The following RSU1 variants were observed in gnomAD, a reference collection of about 807,000 sequenced individuals.
RSU1 encodes Ras suppressor protein 1.
In RSU1, 26 loss-of-function variants were observed where a neutral mutation model predicts 31.1. The observed-to-expected ratio is 0.84, with a 90% CI of 0.61 to 1.16. The LOEUF (loss-of-function observed/expected upper bound fraction) is 1.16, where lower values mean the gene tolerates loss of function less well. Ranked by LOEUF, RSU1 falls within the 50% of genes most tolerant of loss-of-function variation. The pLI is 0.00. For missense variants in RSU1, 320 were observed against 339.1 expected, an observed-to-expected ratio of 0.94 and a Z score of 0.44; for synonymous variants, 164 against 136.3, an observed-to-expected ratio of 1.20 and a Z score of -1.41.
intron 7 of RSU1, among the ~76,000 whole-genome samples, chr10:16,700,499 A>G (rs1835769982): frequency 6.6e-6 from 1 of 152,204 alleles, no homozygotes; most frequent in South Asian, 2.1e-4. Flanking sequence ...GAAGCTAACC[A>G]CAAATGACTC....
chr10:16,606,065 A>G lies in RSU1; in HGVS notation c.732-12569T>C, dbSNP rs545311433. On this transcript the variant is annotated intron_variant, in intron 8 of 8. Coordinates refer to ENST00000345264, the MANE Select transcript of RSU1 (RefSeq NM_012425.4). ...GCCAGCTTGCAGGGCTTCTAAGGCT[A>G]AAGGGAAGACCAGGCACTCAGTAAA... Among the ~76,000 whole-genome samples the G allele has an allele frequency of 3.3e-5, 5 of 152,250 alleles. No individual in the cohort carries two copies. In the South Asian group the frequency reaches 1.0e-3, roughly 32 times the overall value.
intron 8 of RSU1, among the ~76,000 whole-genome samples, chr10:16,678,179 C>T (rs1835267396): frequency 6.6e-6 from 1 of 152,296 alleles, no homozygotes; most frequent in Admixed American, 6.5e-5. Context: ...ACAAAACAAA[C>T]CCAACGTAGA....
intron 8 of RSU1, among the ~76,000 whole-genome samples, chr10:16,602,115 T>A (rs1833723292): frequency 6.6e-6 from 1 of 152,194 alleles, no homozygotes; most frequent in South Asian, 2.1e-4. Flanking sequence ...CCTCTGCAAC[T>A]GAGATCTCCT....
At chr10:16,730,305 G>C (rs144875391) in intron 7 of RSU1, among the ~76,000 whole-genome samples, 304 of 152,296 alleles carry the variant, frequency 2.0e-3, no homozygotes, top group African/African-American at 7.0e-3. Flanking sequence ...CATCAGATTT[G>C]GAGGGGACAA....
At chr10:16,619,137 T>C (rs1834028691) in intron 8 of RSU1, among the ~76,000 whole-genome samples, 1 of 152,174 alleles carries the variant, frequency 6.6e-6, no homozygotes, top group South Asian at 2.1e-4. Flanking sequence ...ACGTCTACTA[T>C]GAAGTGCTAA....
rs1468697467 is a variant in RSU1, at chr10:16,665,300, CAAG to C, written c.731+29720_731+29722del. On this transcript the variant is annotated intron_variant, in intron 8 of 8. Transcript: ENST00000345264. ...CATACACTCTTTCCTAACAACCCTC[CAAG>C]AAGAACACTATTATCATCTAATTTT... Among the ~76,000 whole-genome samples, 3 of 152,080 alleles carry C rather than the reference CAAG, an allele frequency of 2.0e-5. No homozygotes were observed. In the East Asian group the frequency reaches 5.8e-4, roughly 29 times the overall value.
chr10:16,709,530 C>T (rs1163626456), intron 7 of RSU1, among the ~76,000 whole-genome samples: 2 of 152,162 alleles, frequency 1.3e-5, no homozygotes, highest in Non-Finnish European at 2.9e-5. Context: ...ATGGCTGGGT[C>T]AAATGGTATT....
In RSU1 at chr10:16,735,331, G is replaced by A. The variant is rs1301132845; in HGVS notation, c.598+17208C>T. Among the ~76,000 whole-genome samples the A allele has an allele frequency of 3.9e-5, 6 of 152,304 alleles. No homozygotes were observed. In the South Asian group the frequency reaches 6.2e-4, roughly 16 times the overall value. On this transcript the variant is annotated intron_variant, in intron 7 of 8. Transcript: ENST00000345264. Reference sequence around the variant, plus strand: ...TCCTAATACCGCTATGTCTGCTATGGAATCCAGCCAGTGAATGCAGGGTTG... The same window carrying A: ...TCCTAATACCGCTATGTCTGCTATGAAATCCAGCCAGTGAATGCAGGGTTG...
chr10:16,719,031 G>A (rs993321233), intron 7 of RSU1, among the ~76,000 whole-genome samples: 4 of 151,288 alleles, frequency 2.6e-5, no homozygotes, highest in Admixed American at 1.3e-4. Flanking sequence ...GCTCATGCCT[G>A]TAATCCCAAC....
At chr10:16,642,807 C>A (rs1834468616) in intron 8 of RSU1, among the ~76,000 whole-genome samples, 2 of 152,212 alleles carry the variant, frequency 1.3e-5, no homozygotes, top group Admixed American at 6.5e-5. Flanking sequence ...TCGCCAGTCT[C>A]AACCTTTCCA....
intron 8 of RSU1, among the ~76,000 whole-genome samples, chr10:16,604,993 G>A (rs980909826): frequency 1.3e-5 from 2 of 152,198 alleles, no homozygotes; most frequent in African/African-American, 4.8e-5. Flanking sequence ...AGCCTGCTTG[G>A]GGGAGAAGCC....
intron 7 of RSU1, among the ~76,000 whole-genome samples, chr10:16,743,047 A>C (rs1033445357): frequency 1.3e-5 from 2 of 152,344 alleles, no homozygotes; most frequent in African/African-American, 4.8e-5. Context: ...ATATGGTATG[A>C]TTTTTTGTGA....
chr10:16,734,694 C>T (rs886184604), intron 7 of RSU1, among the ~76,000 whole-genome samples: 4 of 152,098 alleles, frequency 2.6e-5, no homozygotes, highest in East Asian at 1.9e-4. Context: ...GTGAACAATG[C>T]AACAGTATCA....
chr10:16,665,801 T>C (rs900055778), intron 8 of RSU1, among the ~76,000 whole-genome samples: 6 of 152,166 alleles, frequency 3.9e-5, no homozygotes, highest in Non-Finnish European at 7.4e-5. Context: ...CATCCTAAAA[T>C]TTAGACAAAT....
chr10:16,716,662 C>T lies in RSU1; in HGVS notation c.599-21507G>A, dbSNP rs1203485691. Among the ~76,000 whole-genome samples, 9 of 152,046 alleles carry T rather than the reference C, an allele frequency of 5.9e-5. No individual in the cohort carries two copies. In the South Asian group the frequency reaches 1.7e-3, roughly 28 times the overall value. ...TATTTCAACCTTTGATCTATAACCA[C>T]GTATACAAATACACTATTGATAACA... On this transcript the variant is annotated intron_variant, in intron 7 of 8. Coordinates refer to ENST00000345264, the MANE Select transcript of RSU1 (RefSeq NM_012425.4).
At chr10:16,711,990 T>C (rs1025800994) in intron 7 of RSU1, among the ~76,000 whole-genome samples, 27 of 152,222 alleles carry the variant, frequency 1.8e-4, no homozygotes, top group Admixed American at 1.6e-3. Context: ...TGTGCAATCA[T>C]GTTTGTTTTG....
chr10:16,630,294 T>A (rs1834226873), intron 8 of RSU1, among the ~76,000 whole-genome samples: 1 of 152,238 alleles, frequency 6.6e-6, no homozygotes, highest in Admixed American at 6.5e-5. Flanking sequence ...TAAATAAAGC[T>A]ACCCATTTCA....
intron 8 of RSU1, among the ~76,000 whole-genome samples, chr10:16,599,005 AG>A (rs1833668368): frequency 6.6e-6 from 1 of 152,230 alleles, no homozygotes; most frequent in Non-Finnish European, 1.5e-5. Context: ...TGTTTCTACG[AG>A]AGGAAGTGCA....
chr10:16,806,118 A>T (rs1838262232), intron 2 of RSU1, among the ~76,000 whole-genome samples: 1 of 152,208 alleles, frequency 6.6e-6, no homozygotes, highest in Non-Finnish European at 1.5e-5. Flanking sequence ...AGATTTTTTT[A>T]AAACTATGTG....
Sources: gnomAD v4.1 joint callset for allele counts (sites outside exome capture counted in the v4.1 genomes callset) on GRCh38, gnomAD v4.1.1 for gene constraint, MANE v1.5 for transcripts, NCBI Gene and HGNC (gene_info 2026-07-23, HGNC 2026-07-21) for gene names.